Variants in KLHL1 observed in about 807,000 individuals in gnomAD.
The protein encoded by KLHL1 is kelch like family member 1, also known as kelch-like protein 1.
In KLHL1, 47 loss-of-function variants were observed where a neutral mutation model predicts 77.7. The observed-to-expected ratio is 0.60, with a 90% CI of 0.48 to 0.77. The LOEUF (loss-of-function observed/expected upper bound fraction) is 0.77. Ranked by LOEUF, KLHL1 falls within the 30% of genes least tolerant of loss-of-function variation. The pLI is 0.00. For synonymous variants in KLHL1, 360 were observed against 325.2 expected, an observed-to-expected ratio of 1.11 and a Z score of -1.15; for missense variants, 925 against 910.8, an observed-to-expected ratio of 1.02 and a Z score of -0.20.
intron 7 of KLHL1, among the ~76,000 whole-genome samples, chr13:69,759,468 G>A (rs1424300): frequency 1 from 152,314 of 152,336 alleles, 76,146 homozygotes; most frequent in Non-Finnish European, 1. Flanking sequence ...AGACATTTCT[G>A]TTTTATTTTA....
rs1446578947 is a variant in KLHL1, at chr13:69,701,237, A to G, written c.*465T>C. Reference sequence around the variant, plus strand: ...CATAATTCTGCTTCCCGTTATGACCACATATGATTAGAAAAACAGTAAACC... The same window carrying G: ...CATAATTCTGCTTCCCGTTATGACCGCATATGATTAGAAAAACAGTAAACC... On this transcript the variant is annotated 3_prime_UTR_variant, in exon 11 of 11. Transcript: ENST00000377844. The G allele has an allele frequency of 6.6e-6, 1 of 152,626 alleles. No individual in the cohort carries two copies. Among genetic ancestry groups the G allele is most frequent in the Non-Finnish European group, 1.5e-5 (1 of 68,178 alleles). The allele number at this position is 152,626 out of a possible 1,614,324, so 9.5% of individuals were successfully genotyped here.
intron 7 of KLHL1, among the ~76,000 whole-genome samples, chr13:69,785,463 C>G (rs1029447721): frequency 6.6e-6 from 1 of 152,042 alleles, no homozygotes; most frequent in South Asian, 2.1e-4. Flanking sequence ...CCTATGAGAA[C>G]AAAGACACAA....
In KLHL1 at chr13:70,081,377, A is replaced by G. The variant is rs118126012; in HGVS notation, c.497+25826T>C. On this transcript the variant is annotated intron_variant, in intron 1 of 10. Coordinates refer to ENST00000377844, the MANE Select transcript of KLHL1 (RefSeq NM_020866.3). ...CTACTTAGGGAATTACACTGCTGCA[A>G]TCAAGATTTTGGGTCCACTGCTTTT... Among the ~76,000 whole-genome samples the G allele has an allele frequency of 8.0e-4, 122 of 152,302 alleles. 1 individual carries two copies. The East Asian group carries it at 0.021, about 26-fold the overall frequency.
intron 2 of KLHL1, among the ~76,000 whole-genome samples, chr13:69,972,199 A>C (rs1357760463): frequency 6.6e-6 from 1 of 151,970 alleles, no homozygotes; most frequent in Non-Finnish European, 1.5e-5. Flanking sequence ...TTAGGTAAGT[A>C]ATTTCTTTTT....
intron 7 of KLHL1, among the ~76,000 whole-genome samples, chr13:69,777,797 A>G (rs1334956369): frequency 6.6e-6 from 1 of 152,108 alleles, no homozygotes; most frequent in Non-Finnish European, 1.5e-5. Flanking sequence ...CTTTATTTAA[A>G]TTGTCCATTA....
At chr13:69,721,589 G>T (rs919317646) in intron 8 of KLHL1, among the ~76,000 whole-genome samples, 3 of 151,968 alleles carry the variant, frequency 2.0e-5, no homozygotes, top group Non-Finnish European at 4.4e-5. Flanking sequence ...AAATGCATAG[G>T]AAGACAGTAT....
chr13:69,926,717 G>T (rs1882824478), intron 4 of KLHL1, among the ~76,000 whole-genome samples: 1 of 151,914 alleles, frequency 6.6e-6, no homozygotes, highest in Non-Finnish European at 1.5e-5. Context: ...GGAGGCTGAG[G>T]CGGGTGGATC....
intron 6 of KLHL1, among the ~76,000 whole-genome samples, chr13:69,806,346 C>A (rs1646244698): frequency 6.6e-6 from 1 of 152,088 alleles, no homozygotes; most frequent in Non-Finnish European, 1.5e-5. Flanking sequence ...TAGTCACAGT[C>A]TAATAAAACC....
intron 6 of KLHL1, among the ~76,000 whole-genome samples, chr13:69,809,308 A>T (rs1052550542): frequency 1.2e-4 from 18 of 152,200 alleles, no homozygotes; most frequent in African/African-American, 4.1e-4. Flanking sequence ...CAACTAAGAA[A>T]AAGGGTCATA....
chr13:69,875,958 G>A (rs1566353688), intron 5 of KLHL1, among the ~76,000 whole-genome samples: 1 of 151,894 alleles, frequency 6.6e-6, no homozygotes, highest in Non-Finnish European at 1.5e-5. Context: ...AAATCAAAGG[G>A]GGAAAAATAC....
chr13:69,879,100 G>A lies in KLHL1; in HGVS notation c.1227+3183C>T, dbSNP rs140563805. 3.7e-3 allele frequency among the ~76,000 whole-genome samples: 559 copies of A among 152,148 alleles called. 12 individuals are homozygous for A. Among genetic ancestry groups the A allele is most frequent in the Non-Finnish European group, 1.1e-3 (77 of 67,996 alleles). ...TGAACATCACACACCAGGGCCTGTC[G>A]TAGGAGATACGAGTTGATGGGTGCA... On this transcript the variant is annotated intron_variant, in intron 5 of 10. Coordinates refer to ENST00000377844, the MANE Select transcript of KLHL1 (RefSeq NM_020866.3).
intron 10 of KLHL1, among the ~76,000 whole-genome samples, chr13:69,705,859 T>C (rs1434385279): frequency 6.6e-6 from 1 of 151,774 alleles, no homozygotes; most frequent in Non-Finnish European, 1.5e-5. Flanking sequence ...ATATATTGTT[T>C]TGATTTCAAT....
intron 7 of KLHL1, among the ~76,000 whole-genome samples, chr13:69,791,734 T>C (rs925887420): frequency 1.3e-5 from 2 of 152,056 alleles, no homozygotes; most frequent in African/African-American, 2.4e-5. Context: ...AAGAATGAAG[T>C]AGAACTGCTA....
intron 6 of KLHL1, among the ~76,000 whole-genome samples, chr13:69,838,595 T>A (rs1467405240): frequency 1.3e-5 from 2 of 151,892 alleles, no homozygotes; most frequent in Admixed American, 6.6e-5. Context: ...TACATGATAT[T>A]CTCAACTTCT....
At chr13:69,780,990 TAGTAAGTA>T (rs3048159) in intron 7 of KLHL1, among the ~76,000 whole-genome samples, 2 of 150,568 alleles carry the variant, frequency 1.3e-5, no homozygotes, top group African/African-American at 4.9e-5. Flanking sequence ...CAGATTATTT[TAGTAAGTA>T]AGTAAGTTTC....
chr13:69,776,800 G>A (rs1005481922), intron 7 of KLHL1, among the ~76,000 whole-genome samples: 1 of 152,288 alleles, frequency 6.6e-6, no homozygotes, highest in African/African-American at 2.4e-5. Context: ...GGTAACTTCT[G>A]TAGTTAAATT....
chr13:69,761,204 G>T (rs1875004910), intron 7 of KLHL1, among the ~76,000 whole-genome samples: 1 of 152,202 alleles, frequency 6.6e-6, no homozygotes, highest in African/African-American at 2.4e-5. Context: ...TGACTCCGGG[G>T]CTGCCACATG....
intron 6 of KLHL1, among the ~76,000 whole-genome samples, chr13:69,810,237 T>C (rs1798561434): frequency 6.6e-6 from 1 of 152,116 alleles, no homozygotes; most frequent in South Asian, 2.1e-4. Context: ...ACAGAATATA[T>C]ATTCCTCTTG....
chr13:69,724,119 G>C (rs1873193002), intron 8 of KLHL1, among the ~76,000 whole-genome samples: 1 of 152,126 alleles, frequency 6.6e-6, no homozygotes, highest in African/African-American at 2.4e-5. Context: ...ACAGTCGTGA[G>C]ATACCGTGCC....
Sources: gnomAD v4.1 joint callset for allele counts (sites outside exome capture counted in the v4.1 genomes callset) on GRCh38, gnomAD v4.1.1 for gene constraint, MANE v1.5 for transcripts, NCBI Gene and HGNC (gene_info 2026-07-23, HGNC 2026-07-21) for gene names.